Variants in LGALS8 observed in about 807,000 individuals in gnomAD.
The protein encoded by LGALS8 is galectin-8.
A neutral mutation model predicts 35.9 loss-of-function variants in LGALS8; 30 were observed. The ratio of observed to expected loss-of-function variants is 0.83; its 90% CI spans 0.62 to 1.13. The LOEUF (loss-of-function observed/expected upper bound fraction) is 1.13. LGALS8 is among the 50% of genes most tolerant of loss of function. LGALS8 has a pLI of 0.00. For missense variants in LGALS8, 366 were observed against 388.7 expected (o/e 0.94, Z 0.49); for synonymous variants, 138 against 136.1 (o/e 1.01, Z -0.10).
At chr1:236,536,347 A>T (rs905363738) in intron 2 of LGALS8, 5 of 152,216 alleles carry the variant, frequency 3.3e-5, no homozygotes, top group African/African-American at 1.2e-4. Context: ...GATGCAGGAG[A>T]GGCAGCCACA....
intron 7 of LGALS8, 58 bp from the exon 8 acceptor site, chr1:236,543,501 GT>G (rs773602038): frequency 8.0e-7 from 1 of 1,250,192 alleles, no homozygotes; most frequent in South Asian, 1.2e-5. Context: ...TTGGACACGA[GT>G]TTTCCCTGGA....
chr1:236,539,499 C>T (rs16833831), intron 4 of LGALS8, among the ~76,000 whole-genome samples: 92,885 of 151,958 alleles, frequency 0.61, 29,291 homozygotes, highest in Non-Finnish European at 0.69. Flanking sequence ...AAGACAGTTC[C>T]GTAGGATCAT....
chr1:236,543,500 A>G, intron 7 of LGALS8, 60 bp from the exon 8 acceptor site: 1 of 1,210,132 alleles, frequency 8.3e-7, no homozygotes, highest in Non-Finnish European at 1.2e-6. Context: ...TTTGGACACG[A>G]GTTTTCCCTG....
At chr1:236,541,578 TTA>T (rs1480659468) in intron 5 of LGALS8, 74 bp from the exon 6 acceptor site, 8 of 676,668 alleles carry the variant, frequency 1.2e-5, no homozygotes, top group African/African-American at 1.2e-4. Context: ...TATAATTTTT[TTA>T]TATGTCAATA....
At chr1:236,547,942 G>A (rs905833833) in intron 9 of LGALS8, 70 bp from the exon 10 acceptor site, 14 of 1,343,506 alleles carry the variant, frequency 1.0e-5, no homozygotes, top group Admixed American at 3.6e-5. Flanking sequence ...CTCTGACACC[G>A]TTAGCATGTA....
In LGALS8 at chr1:236,548,819, T is replaced by C; in HGVS notation, c.*658T>C. ...ATGTGGCTCTATTAGCTGCAAGCTT[T>C]ACCAAGTAATTGGCATGACATCTGA... On this transcript the variant is annotated 3_prime_UTR_variant, in exon 10 of 10. Coordinates refer to ENST00000366584, the MANE Select transcript of LGALS8 (RefSeq NM_201544.4). The C allele has an allele frequency of 2.5e-6, 1 of 397,520 alleles. No homozygotes were observed. The highest frequency in any genetic ancestry group is 4.4e-6 in the Non-Finnish European group (1 of 225,616). The allele number at this position is 397,520 out of a possible 1,614,324, so 24.6% of individuals were successfully genotyped here.
At chr1:236,520,103 T>TGCGC (rs1660510567), upstream of LGALS8, among the ~76,000 whole-genome samples, 1 of 151,836 alleles carries the variant, frequency 6.6e-6, no homozygotes, top group African/African-American at 2.4e-5. Context: ...ATTACAGGCA[T>TGCGC]GCGCCACAAG....
intron 9 of LGALS8, 86 bp downstream of exon 9, chr1:236,545,001 A>AACTC: frequency 9.5e-7 from 1 of 1,055,468 alleles, no homozygotes; most frequent in Non-Finnish European, 1.4e-6. Context: ...ATCAAGTCCT[A>AACTC]ACTCAGTATG....
At chr1:236,529,652 T>G (rs1161445153) in intron 2 of LGALS8, among the ~76,000 whole-genome samples, 1 of 148,758 alleles carries the variant, frequency 6.7e-6, no homozygotes, top group Non-Finnish European at 1.5e-5. Context: ...CTTCTCTTTT[T>G]TTTTTTTTTT....
At chr1:236,535,060 C>CAAA (rs5781893) in intron 2 of LGALS8, among the ~76,000 whole-genome samples, 32 of 64,892 alleles carry the variant, frequency 4.9e-4, no homozygotes, top group African/African-American at 1.1e-3. Flanking sequence ...GACTCTGTCT[C>CAAA]AAAAAAAAAA....
At chr1:236,541,831 T>C (rs1221935366) in intron 6 of LGALS8, 121 bp downstream of exon 6, 3 of 572,178 alleles carry the variant, frequency 5.2e-6, no homozygotes, top group South Asian at 5.2e-5. Flanking sequence ...AAGTAATCAC[T>C]TGAAAATTGA....
chr1:236,545,090 G>A (rs1279128488), intron 9 of LGALS8, 175 bp downstream of exon 9: 3 of 511,296 alleles, frequency 5.9e-6, no homozygotes, highest in African/African-American at 1.9e-5. Context: ...AGTATAAATG[G>A]CAAAGCCAGT....
intron 1 of LGALS8, 40 bp downstream of exon 1, chr1:236,524,101 C>T: frequency 2.2e-6 from 1 of 456,252 alleles, no homozygotes; most frequent in Non-Finnish European, 4.4e-6. Flanking sequence ...GCGGGGCAGT[C>T]GCTAGAGGCG....
chr1:236,529,007 G>A (rs1660991608), intron 2 of LGALS8, among the ~76,000 whole-genome samples: 1 of 152,214 alleles, frequency 6.6e-6, no homozygotes, highest in African/African-American at 2.4e-5. Context: ...TGGGTCCAGA[G>A]GCTCATGCCT....
rs774329077 is a variant in LGALS8, at chr1:236,526,051, C to A, written c.-20C>A. The A allele has an allele frequency of 1.2e-5, 19 of 1,607,430 alleles. No individual in the cohort carries two copies. The highest frequency in any genetic ancestry group is 1.5e-5 in the Non-Finnish European group (18 of 1,174,482). On this transcript the variant is annotated 5_prime_UTR_variant, in exon 2 of 10. Transcript: ENST00000366584. This position sits in a 1 kb window ranked among gnomAD's most constrained non-coding sequence, Gnocchi z 4.6. ...GGTCATACACAGAAGAGACTCCAAT[C>A]GACAAGAAGCTGGAAAAGAATGATG...
Position 236,544,912 on chromosome 1 carries a change from T to C in LGALS8, c.801T>C (p.Phe267=). 1 of 1,604,134 alleles carries C rather than the reference T, an allele frequency of 6.2e-7. No homozygotes were observed. The highest frequency in any genetic ancestry group is 8.5e-7 in the Non-Finnish European group (1 of 1,174,610). The change falls in exon 9 of 10, where the codon TTT becomes TTC. Residue 267 remains phenylalanine, a synonymous_variant. Coordinates refer to ENST00000366584, the MANE Select transcript of LGALS8 (RefSeq NM_201544.4). The part of the protein sequence containing the change: ...TSFPFSPGMY[F]EMIIYCDVRE... Reference sequence around the variant, plus strand: ...TCCCATTTAGTCCTGGGATGTACTTTGAGGTGAGGTTACAGTTTTTGAAAA... The same window carrying C: ...TCCCATTTAGTCCTGGGATGTACTTCGAGGTGAGGTTACAGTTTTTGAAAA...
intron 2 of LGALS8, among the ~76,000 whole-genome samples, chr1:236,533,625 C>T (rs931364514): frequency 7.2e-6 from 1 of 139,580 alleles, no homozygotes; most frequent in South Asian, 2.5e-4. Flanking sequence ...TTAGCCACTG[C>T]GCCTGACCCC....
chr1:236,538,759 G>C, intron 3 of LGALS8, 120 bp from the exon 4 acceptor site: 1 of 706,538 alleles, frequency 1.4e-6, no homozygotes, highest in South Asian at 1.6e-5. Context: ...CATAGTGAAT[G>C]AATGAGGAGG....
At chr1:236,544,517 G>A (rs1429997349) in intron 8 of LGALS8, among the ~76,000 whole-genome samples, 6 of 130,292 alleles carry the variant, frequency 4.6e-5, no homozygotes, top group African/African-American at 1.6e-4. Flanking sequence ...CAGCCTCAAC[G>A]CTGATTTTAA....
Sources: gnomAD v4.1 joint callset for allele counts (sites outside exome capture counted in the v4.1 genomes callset) on GRCh38, gnomAD v4.1.1 for gene constraint, Gnocchi (gnomAD v3.1) non-coding constraint, MANE v1.5 for transcripts, NCBI Gene and HGNC (gene_info 2026-07-23, HGNC 2026-07-21) for gene names.